Variants in ADAM22 observed in about 807,000 individuals in gnomAD.
ADAM22 encodes the protein ADAM metallopeptidase domain 22, also known as disintegrin and metalloproteinase domain-containing protein 22.
A neutral mutation model predicts 144.6 loss-of-function variants in ADAM22; 65 were observed. The ratio of observed to expected loss-of-function variants is 0.45; its 90% CI spans 0.37 to 0.55. ADAM22 has a LOEUF of 0.55. Among genes scored for constraint, ADAM22 ranks in the 20% least tolerant of loss-of-function variants. The pLI is 0.00. For missense variants in ADAM22, 974 were observed against 1,184.9 expected (o/e 0.82, Z 2.61); for synonymous variants, 391 against 412.6 (o/e 0.95, Z 0.63).
At chr7:87,982,064 TATATACAC>T (rs1249124819) in intron 3 of ADAM22, among the ~76,000 whole-genome samples, 10 of 79,324 alleles carry the variant, frequency 1.3e-4, no homozygotes, top group African/African-American at 6.2e-4. Flanking sequence ...TATATATATA[TATATACAC>T]ACACACACAC....
intron 3 of ADAM22, among the ~76,000 whole-genome samples, chr7:88,007,157 A>G (rs922878578): frequency 1.3e-5 from 2 of 152,220 alleles, no homozygotes; most frequent in Non-Finnish European, 2.9e-5. Flanking sequence ...AATTGCTTCA[A>G]AGAGAATGAG....
chr7:88,160,135 GA>G (rs1465473058), intron 22 of ADAM22, among the ~76,000 whole-genome samples: 1 of 152,052 alleles, frequency 6.6e-6, no homozygotes, highest in Non-Finnish European at 1.5e-5. Flanking sequence ...GTCAAATCAG[GA>G]ATGCAATTCC....
chr7:88,062,017 A>AT (rs796464991), intron 3 of ADAM22, among the ~76,000 whole-genome samples: 112 of 151,728 alleles, frequency 7.4e-4, no homozygotes, highest in African/African-American at 2.7e-3. Context: ...GCTTTTTAAA[A>AT]TTTTTTGTAG....
At chr7:88,130,556 T>C in intron 10 of ADAM22, 97 bp downstream of exon 10, 4 of 1,232,382 alleles carry the variant, frequency 3.2e-6, no homozygotes, top group East Asian at 2.5e-5. Context: ...TACTGCTCTA[T>C]GTTGCACTTC....
chr7:87,992,412 G>A (rs928799606), intron 3 of ADAM22, among the ~76,000 whole-genome samples: 18 of 152,170 alleles, frequency 1.2e-4, no homozygotes, highest in Admixed American at 1.2e-3. Context: ...ACTTCATTTT[G>A]TTGGTAATGG....
At chr7:88,138,476 C>T (rs890923551) in intron 14 of ADAM22, among the ~76,000 whole-genome samples, 8 of 152,102 alleles carry the variant, frequency 5.3e-5, no homozygotes, top group African/African-American at 1.7e-4. Flanking sequence ...TGGGATATGA[C>T]GCTATAATTT....
intron 29 of ADAM22, among the ~76,000 whole-genome samples, chr7:88,182,978 A>G (rs1847453743): frequency 6.6e-6 from 1 of 152,126 alleles, no homozygotes; most frequent in Non-Finnish European, 1.5e-5. Flanking sequence ...GCTTGTCAAA[A>G]ACTTATGTTA....
intron 17 of ADAM22, among the ~76,000 whole-genome samples, chr7:88,148,184 A>C (rs775932372): frequency 6.6e-6 from 1 of 152,174 alleles, no homozygotes; most frequent in African/African-American, 2.4e-5. Flanking sequence ...GCAGAATAAC[A>C]TGTGCCTTTG....
In ADAM22 at chr7:88,193,240, G is replaced by T. The variant is rs1485644946; in HGVS notation, c.2874+1G>T. On this transcript the variant is annotated splice_donor_variant, in intron 31 of 31. Transcript: ENST00000413139. LOFTEE classifies it high-confidence loss of function. Reference sequence around the variant, plus strand: ...GAAAGTGAACCGACAAAGTGCCAGGGTATGTGGAAACCTCTTCCATGTGCG... The same window carrying T: ...GAAAGTGAACCGACAAAGTGCCAGGTTATGTGGAAACCTCTTCCATGTGCG... 6.2e-7 allele frequency: 1 copy of T among 1,613,550 alleles called. No homozygotes were observed. Among genetic ancestry groups the T allele is most frequent in the African/African-American group, 1.3e-5 (1 of 74,890 alleles).
chr7:87,964,473 A>G (rs1848624829), intron 2 of ADAM22, among the ~76,000 whole-genome samples: 1 of 152,218 alleles, frequency 6.6e-6, no homozygotes, highest in South Asian at 2.1e-4. Flanking sequence ...ACAGGGGCTA[A>G]TAGTGACTAG....
intron 18 of ADAM22, among the ~76,000 whole-genome samples, chr7:88,149,404 C>T (rs1837661391): frequency 6.6e-6 from 1 of 152,158 alleles, no homozygotes; most frequent in Non-Finnish European, 1.5e-5. Flanking sequence ...GGCAGGGACT[C>T]ACAAACACAC....
intron 3 of ADAM22, among the ~76,000 whole-genome samples, chr7:88,038,192 G>A (rs1469278148): frequency 3.3e-5 from 5 of 152,134 alleles, no homozygotes; most frequent in African/African-American, 1.2e-4. Flanking sequence ...CTATGGGAGA[G>A]AATGTAGACT....
At chr7:87,940,292 T>C (rs1186535287) in intron 2 of ADAM22, among the ~76,000 whole-genome samples, 1 of 150,980 alleles carries the variant, frequency 6.6e-6, no homozygotes, top group Admixed American at 6.6e-5. Flanking sequence ...ATGTACCCCA[T>C]AAATATGTAT....
At chr7:88,157,917 T>A (rs1353803730) in intron 22 of ADAM22, among the ~76,000 whole-genome samples, 1 of 152,132 alleles carries the variant, frequency 6.6e-6, no homozygotes, top group African/African-American at 2.4e-5. Context: ...GGGGATTGAA[T>A]GTAAATGGCC....
intron 17 of ADAM22, among the ~76,000 whole-genome samples, chr7:88,146,937 C>A (rs778922349): frequency 1.3e-5 from 2 of 152,170 alleles, no homozygotes; most frequent in African/African-American, 4.8e-5. Context: ...TTGATTTTGG[C>A]TACCACCCCT....
intron 24 of ADAM22, among the ~76,000 whole-genome samples, chr7:88,167,714 C>T (rs1843277089): frequency 6.6e-6 from 1 of 152,162 alleles, no homozygotes; most frequent in Non-Finnish European, 1.5e-5. Flanking sequence ...CAAAATATAA[C>T]ACACACAAAA....
intron 4 of ADAM22, among the ~76,000 whole-genome samples, chr7:88,080,727 C>G (rs1325554258): frequency 6.6e-6 from 1 of 152,128 alleles, no homozygotes; most frequent in Non-Finnish European, 1.5e-5. Context: ...CACCTCTATG[C>G]AAATAAACTA....
intron 4 of ADAM22, among the ~76,000 whole-genome samples, chr7:88,083,326 T>G (rs1817422038): frequency 6.7e-6 from 1 of 149,504 alleles, no homozygotes. Flanking sequence ...CTTTACACAC[T>G]GGGGACTGTT....
chr7:88,057,965 T>C (rs1366293818), intron 3 of ADAM22, among the ~76,000 whole-genome samples: 4 of 152,206 alleles, frequency 2.6e-5, no homozygotes, highest in Non-Finnish European at 5.9e-5. Flanking sequence ...TATGTGCTCA[T>C]GATAGAAAAA....
Sources: allele counts gnomAD v4.1 joint callset (sites outside exome capture counted in the v4.1 genomes callset), GRCh38; gene constraint gnomAD v4.1.1; transcripts MANE v1.5; gene names NCBI Gene and HGNC (gene_info 2026-07-23, HGNC 2026-07-21).